Variants in FAM227A observed in about 807,000 individuals in gnomAD.
The protein encoded by FAM227A is protein FAM227A.
Under a neutral mutation model 74.7 loss-of-function variants are expected in FAM227A, and 80 were observed. The observed-to-expected ratio is 1.07, with a 90% CI of 0.89 to 1.29. The LOEUF is 1.29. Among genes scored for constraint, FAM227A ranks in the 50% most tolerant of loss-of-function variants. FAM227A has a pLI of 0.00. For synonymous variants in FAM227A, 237 were observed against 241.8 expected, an observed-to-expected ratio of 0.98 and a Z score of 0.19; for missense variants, 654 against 683.4, an observed-to-expected ratio of 0.96 and a Z score of 0.48.
chr22:38,606,701 T>C (rs1012101992), intron 12 of FAM227A, among the ~76,000 whole-genome samples: 3 of 152,206 alleles, frequency 2.0e-5, no homozygotes, highest in African/African-American at 7.2e-5. Context: ...CTCTGTACTA[T>C]CACAGTCACC....
intron 13 of FAM227A, among the ~76,000 whole-genome samples, chr22:38,601,403 C>A (rs1435243957): frequency 7.1e-6 from 1 of 140,498 alleles, no homozygotes; most frequent in Non-Finnish European, 1.5e-5. Flanking sequence ...CTGATATGTG[C>A]TTGGTGTGGC....
chr22:38,649,093 A>G (rs2145736960), intron 2 of FAM227A, among the ~76,000 whole-genome samples: 1 of 152,304 alleles, frequency 6.6e-6, no homozygotes, highest in East Asian at 1.9e-4. Context: ...GAAGGGAAAG[A>G]TGGCAACCAC....
Position 38,628,891 on chromosome 22 carries a change from A to G in FAM227A, c.564T>C (p.Ser188=). Residue 188 remains serine, a synonymous_variant, in exon 7 of 17, where the codon TCT becomes TCC. Transcript: ENST00000535113. Reference sequence around the variant, plus strand: ...TATCCAGCCAGATGGCTCTTGGAGAAGAAGAAGAGAGAAACTTCTCTAATT... The same window carrying G: ...TATCCAGCCAGATGGCTCTTGGAGAGGAAGAAGAGAGAAACTTCTCTAATT... ...GRELEKFLSS[S]SPRAIWLDSF... is the part of the protein sequence containing the mutation. The G allele has an allele frequency of 3.2e-6, 5 of 1,545,476 alleles. No homozygotes were observed. Among genetic ancestry groups the G allele is most frequent in the Non-Finnish European group, 4.4e-6 (5 of 1,144,272 alleles).
At chr22:38,627,539 G>C (rs2145595093) in intron 8 of FAM227A, among the ~76,000 whole-genome samples, 1 of 152,060 alleles carries the variant, frequency 6.6e-6, no homozygotes, top group South Asian at 2.1e-4. Context: ...CTGCACTCCA[G>C]CCTGGGCGAC....
At chr22:38,624,833 C>G (rs1030127684) in intron 9 of FAM227A, among the ~76,000 whole-genome samples, 1 of 152,100 alleles carries the variant, frequency 6.6e-6, no homozygotes, top group African/African-American at 2.4e-5. Context: ...TACCTTTTTC[C>G]CTTATAATCC....
chr22:38,588,551 G>A (rs1391971055), intron 16 of FAM227A, among the ~76,000 whole-genome samples: 1 of 149,674 alleles, frequency 6.7e-6, no homozygotes, highest in Non-Finnish European at 1.5e-5. Flanking sequence ...CCCGGGAAGT[G>A]GAGGTTGCAG....
At position 38,644,861 on chromosome 22, in the gene FAM227A, G is replaced by T. The variant is rs2092199809; in HGVS notation, c.225+702C>A. On this transcript the variant is annotated intron_variant, in intron 3 of 16. Coordinates refer to ENST00000535113, the MANE Select transcript of FAM227A (RefSeq NM_001013647.2). ...CCAGCACTTTGAGAGACTGAGGTGG[G>T]TGGATCACTTGAGGTGGGGAGTTTG... Among the ~76,000 whole-genome samples the T allele has an allele frequency of 2.0e-5, 3 of 152,074 alleles. No homozygotes were observed. In the South Asian group the frequency reaches 6.2e-4, roughly 32 times the overall value.
chr22:38,602,069 T>C (rs1319394583), intron 13 of FAM227A, among the ~76,000 whole-genome samples: 1 of 152,178 alleles, frequency 6.6e-6, no homozygotes, highest in Non-Finnish European at 1.5e-5. Flanking sequence ...GGAACAAAAA[T>C]TCCACTTCAC....
chr22:38,623,344 C>T, intron 9 of FAM227A, 65 bp from the exon 10 acceptor site: 1 of 1,090,720 alleles, frequency 9.2e-7, no homozygotes, highest in East Asian at 2.6e-5. Flanking sequence ...AATCCCAGAA[C>T]TTTGAGAAGC....
intron 15 of FAM227A, among the ~76,000 whole-genome samples, chr22:38,595,169 A>C (rs921957472): frequency 5.3e-5 from 8 of 152,220 alleles, no homozygotes; most frequent in Non-Finnish European, 1.0e-4. Context: ...CTACATATTC[A>C]TATTTTTCTG....
At chr22:38,625,400 AAAAG>A (rs1470230144) in intron 9 of FAM227A, among the ~76,000 whole-genome samples, 2,258 of 151,394 alleles carry the variant, frequency 0.015, 52 homozygotes, top group African/African-American at 0.052. Context: ...AAAAAAAAAA[AAAAG>A]AAAGAAAGAA....
At chr22:38,605,141 A>G (rs540697642) in intron 13 of FAM227A, 113 bp downstream of exon 13, 10 of 646,566 alleles carry the variant, frequency 1.5e-5, no homozygotes, top group African/African-American at 5.4e-5. Context: ...AAGGTTTGGC[A>G]TAGTACCTGG....
At chr22:38,590,279 CAAA>C (rs71197120) in intron 16 of FAM227A, among the ~76,000 whole-genome samples, 19 of 57,996 alleles carry the variant, frequency 3.3e-4, no homozygotes, top group Admixed American at 7.9e-4. Flanking sequence ...GACTCCATCT[CAAA>C]AAAAAAAAAA....
At chr22:38,644,422 A>G (rs9607560) in intron 3 of FAM227A, among the ~76,000 whole-genome samples, 272 of 62,934 alleles carry the variant, frequency 4.3e-3, no homozygotes, top group African/African-American at 0.014. Context: ...CAGGTGGAGC[A>G]CAGAGGACTG....
At chr22:38,643,315 C>CA (rs71326719) in intron 3 of FAM227A, among the ~76,000 whole-genome samples, 7,842 of 127,170 alleles carry the variant, frequency 0.062, 293 homozygotes, top group East Asian at 0.14. Context: ...GATTCTGTCT[C>CA]AAAAAAAAAA....
In FAM227A at chr22:38,582,230, C is replaced by A. The variant is rs2146083457; in HGVS notation, c.*3895G>T. ...CCCCTTCCAGCTTCCCTCCTATCCCCTCTCCAGCTATCCCTCCTGTTCTTC... is the reference window on the plus strand; with the variant it reads ...CCCCTTCCAGCTTCCCTCCTATCCCATCTCCAGCTATCCCTCCTGTTCTTC... On this transcript the variant is annotated 3_prime_UTR_variant, in exon 17 of 17. Transcript: ENST00000535113. 4.6e-6 allele frequency: 5 copies of A among 1,089,340 alleles called. No homozygotes were observed. The South Asian group carries it at 7.7e-5, about 17-fold the overall frequency. The allele number at this position is 1,089,340 out of a possible 1,614,324, so 67.5% of individuals were successfully genotyped here.
At chr22:38,586,839 G>A (rs981645724) in intron 16 of FAM227A, among the ~76,000 whole-genome samples, 2 of 151,146 alleles carry the variant, frequency 1.3e-5, no homozygotes, top group African/African-American at 4.9e-5. Context: ...CAGCTAATTT[G>A]TTTTTTGTAT....
At position 38,599,767 on chromosome 22, in the gene FAM227A, G is replaced by T; in HGVS notation, c.1376C>A (p.Thr459Asn). 1 of 1,550,964 alleles carries T rather than the reference G, an allele frequency of 6.4e-7. No homozygotes were observed. Among genetic ancestry groups the T allele is most frequent in the Admixed American group, 2.0e-5 (1 of 50,920 alleles). The change falls in exon 14 of 17, where the codon ACC becomes AAC. Residue 459 changes from threonine (T) to asparagine (N), a missense_variant. Physicochemically the swap from Thr to Asn is moderately conservative, Grantham distance 65. Transcript: ENST00000535113. Reference protein sequence around the residue: ...LIVRREKTTSTPDCTPTYTDV... With the variant: ...LIVRREKTTSNPDCTPTYTDV... ...CTGCCCACAGTGACAAGGATATGGG[G>T]TGCTCGTGGTCTTTTCCCTTCTGAC... is the stretch of plus-strand genomic sequence containing the variant.
chr22:38,631,281 CAG>C (rs35069730), intron 6 of FAM227A, among the ~76,000 whole-genome samples: 63,321 of 151,792 alleles, frequency 0.42, 13,620 homozygotes, highest in Non-Finnish European at 0.47. Flanking sequence ...TGATCTAACT[CAG>C]AAACAGAAAA....
Sources: gnomAD v4.1 joint callset for allele counts (sites outside exome capture counted in the v4.1 genomes callset) on GRCh38, gnomAD v4.1.1 for gene constraint, MANE v1.5 for transcripts, NCBI Gene and HGNC (gene_info 2026-07-23, HGNC 2026-07-21) for gene names.